CSMD2: variants seen among roughly 807,000 people sequenced by gnomAD.
CSMD2 encodes the protein CUB and Sushi multiple domains 2, also known as CUB and sushi domain-containing protein 2.
A neutral mutation model predicts 398.5 loss-of-function variants in CSMD2; 130 were observed. The ratio of observed to expected loss-of-function variants is 0.33; its 90% CI spans 0.28 to 0.38. The LOEUF (loss-of-function observed/expected upper bound fraction) is 0.38, where lower values mean the gene tolerates loss of function less well. Ranked by LOEUF, CSMD2 falls within the 10% of genes least tolerant of loss-of-function variation. The pLI is 1.00. For synonymous variants in CSMD2, 1,828 were observed against 1,908.5 expected (o/e 0.96, Z 1.10); for missense variants, 3,829 against 4,764.9 (o/e 0.80, Z 5.78).
intron 24 of CSMD2, among the ~76,000 whole-genome samples, chr1:33,694,730 A>G (rs1645360096): frequency 6.6e-6 from 1 of 152,202 alleles, no homozygotes; most frequent in Non-Finnish European, 1.5e-5. Context: ...GTGAGAACAG[A>G]CTAATATAAC....
At chr1:33,783,774 C>T (rs992610174) in intron 12 of CSMD2, among the ~76,000 whole-genome samples, 3 of 152,268 alleles carry the variant, frequency 2.0e-5, no homozygotes, top group Non-Finnish European at 1.5e-5. Context: ...CCCAAAAAGA[C>T]GTGTTGAAGT....
intron 25 of CSMD2, among the ~76,000 whole-genome samples, chr1:33,679,019 T>C (rs766011583): frequency 6.6e-6 from 1 of 152,104 alleles, no homozygotes; most frequent in Non-Finnish European, 1.5e-5. Flanking sequence ...TGCCCTCTCT[T>C]CCTCATCACC....
intron 1 of CSMD2, among the ~76,000 whole-genome samples, chr1:34,162,658 A>G (rs574164075): frequency 6.6e-6 from 1 of 152,250 alleles, no homozygotes; most frequent in South Asian, 2.1e-4. Flanking sequence ...CAGGAGCTCG[A>G]GACCAGCCTG....
intron 13 of CSMD2, among the ~76,000 whole-genome samples, chr1:33,750,452 A>G (rs1336363882): frequency 6.6e-6 from 1 of 152,164 alleles, no homozygotes; most frequent in Non-Finnish European, 1.5e-5. Context: ...TAATCTGCCC[A>G]TGGTCATACA....
intron 3 of CSMD2, among the ~76,000 whole-genome samples, chr1:33,989,300 C>T (rs1351299647): frequency 5.3e-5 from 8 of 151,784 alleles, no homozygotes; most frequent in Admixed American, 2.0e-4. Flanking sequence ...CCACCACATA[C>T]CCATTAGAAT....
At chr1:33,889,772 T>TGTGTGC (rs1641860121) in intron 5 of CSMD2, among the ~76,000 whole-genome samples, 1 of 151,914 alleles carries the variant, frequency 6.6e-6, no homozygotes, top group African/African-American at 2.4e-5. Flanking sequence ...TGTGTGTGTG[T>TGTGTGC]GTGTGTGTGT....
In CSMD2 at chr1:34,145,696, G is replaced by C. The variant is rs1225576657; in HGVS notation, c.187+19215C>G. 2.6e-5 allele frequency among the ~76,000 whole-genome samples: 4 copies of C among 152,210 alleles called. No individual in the cohort carries two copies. In the East Asian group the frequency reaches 7.7e-4, roughly 29 times the overall value. On this transcript the variant is annotated intron_variant, in intron 1 of 70. Coordinates refer to ENST00000373381, the MANE Select transcript of CSMD2 (RefSeq NM_001281956.2). The stretch of plus-strand genomic sequence containing the variant: ...AACATCCCGCGCCATAACAAAGTTA[G>C]GTTGTGTCGAGGAACGGGGAGGCAT...
chr1:33,733,672 G>A (rs935658854), intron 15 of CSMD2, among the ~76,000 whole-genome samples: 3 of 152,088 alleles, frequency 2.0e-5, no homozygotes, highest in African/African-American at 4.8e-5. Flanking sequence ...ATAGTGAGTC[G>A]CAGGAGATTT....
chr1:33,784,040 T>A (rs902968675), intron 12 of CSMD2, among the ~76,000 whole-genome samples: 4 of 150,330 alleles, frequency 2.7e-5, no homozygotes, highest in Non-Finnish European at 5.9e-5. Context: ...GGTGGGTGGG[T>A]TTGAGACAGC....
intron 6 of CSMD2, among the ~76,000 whole-genome samples, chr1:33,843,171 G>A (rs1163261811): frequency 1.3e-5 from 2 of 152,128 alleles, no homozygotes; most frequent in African/African-American, 4.8e-5. Flanking sequence ...TGGCCTAGGC[G>A]CATTCATCTT....
intron 5 of CSMD2, among the ~76,000 whole-genome samples, chr1:33,872,555 TC>T (rs1258916514): frequency 6.6e-6 from 1 of 152,156 alleles, no homozygotes; most frequent in African/African-American, 2.4e-5. Context: ...CCCTTGGCCA[TC>T]TTTTCAAGAG....
chr1:34,129,774 T>G (rs72886074), intron 1 of CSMD2, among the ~76,000 whole-genome samples: 2,983 of 152,348 alleles, frequency 0.02, 91 homozygotes, highest in African/African-American at 0.068. Context: ...ACTGGCTCAG[T>G]GCTCCCTGCA....
chr1:33,521,959 C>T (rs1000468679), intron 67 of CSMD2, among the ~76,000 whole-genome samples: 2 of 152,110 alleles, frequency 1.3e-5, no homozygotes, highest in South Asian at 2.1e-4. Flanking sequence ...GATGAAAAAC[C>T]GCCTTTTGGA....
rs1642606273 is a variant in CSMD2, at chr1:33,633,624, G to C, written c.5087-89C>G. On this transcript the variant is annotated intron_variant, in intron 31 of 70. Coordinates refer to ENST00000373381, the MANE Select transcript of CSMD2 (RefSeq NM_001281956.2). The surrounding 1 kb of genome is among the most constrained non-coding windows in gnomAD (Gnocchi z 5.0). Reference sequence around the variant, plus strand: ...GGTCTAGGGGCCCAAGCCAGGAGGAGGGCAGCCCTGGGGAAGTTGTTGGTT... The same window carrying C: ...GGTCTAGGGGCCCAAGCCAGGAGGACGGCAGCCCTGGGGAAGTTGTTGGTT... 1.1e-6 allele frequency: 1 copy of C among 922,282 alleles called. No homozygotes were observed. The highest frequency in any genetic ancestry group is 1.6e-5 in the African/African-American group (1 of 61,172). 57.1% of individuals were successfully genotyped at this position (922,282 alleles called of 1,614,324 possible).
At chr1:33,550,053 A>T (rs1570699520) in intron 56 of CSMD2, 124 bp downstream of exon 56, 1 of 927,728 alleles carries the variant, frequency 1.1e-6, no homozygotes, top group East Asian at 2.5e-5. Flanking sequence ...GTTAGGGTAG[A>T]TATAAGGGTT....
At chr1:33,617,085 G>T (rs1303022906) in intron 38 of CSMD2, 110 bp from the exon 39 acceptor site, 1 of 767,586 alleles carries the variant, frequency 1.3e-6, no homozygotes, top group Admixed American at 2.1e-5. Flanking sequence ...TAAGGAACAA[G>T]ATACACAAAG....
chr1:33,949,105 A>C (rs976569111), intron 3 of CSMD2, among the ~76,000 whole-genome samples: 1 of 152,224 alleles, frequency 6.6e-6, no homozygotes, highest in Non-Finnish European at 1.5e-5. Flanking sequence ...ACCTTCCTGC[A>C]TCTCAGCTTC....
intron 1 of CSMD2, among the ~76,000 whole-genome samples, chr1:34,123,547 C>T (rs891358891): frequency 6.6e-6 from 1 of 151,818 alleles, no homozygotes; most frequent in Non-Finnish European, 1.5e-5. Context: ...GGAACCCCAA[C>T]TTGAAGCCAA....
intron 15 of CSMD2, among the ~76,000 whole-genome samples, chr1:33,728,775 T>A (rs1646626683): frequency 6.6e-6 from 1 of 152,254 alleles, no homozygotes; most frequent in African/African-American, 2.4e-5. Context: ...AAATGGCACG[T>A]ACTATTATCA....
Sources: gnomAD v4.1 joint callset for allele counts (sites outside exome capture counted in the v4.1 genomes callset) on GRCh38, gnomAD v4.1.1 for gene constraint, Gnocchi (gnomAD v3.1) non-coding constraint, MANE v1.5 for transcripts, NCBI Gene and HGNC (gene_info 2026-07-23, HGNC 2026-07-21) for gene names.